Variants in ABCC9 observed in about 807,000 individuals in gnomAD.
The protein encoded by ABCC9 is ATP binding cassette subfamily C member 9.
A neutral mutation model predicts 188.3 loss-of-function variants in ABCC9; 95 were observed. The observed-to-expected ratio is 0.50, with a 90% confidence interval of 0.43 to 0.60. The LOEUF is 0.60. Among genes scored for constraint, ABCC9 ranks in the 20% least tolerant of loss-of-function variants. The pLI, the probability that ABCC9 is intolerant of heterozygous loss-of-function variation, is 0.00. For synonymous variants in ABCC9, 659 were observed against 652.7 expected (o/e 1.01, Z -0.15); for missense variants, 1,102 against 1,876.3 (o/e 0.59, Z 7.62).
At chr12:21,835,064 AAAGACTG>A (rs1188655399) in intron 30 of ABCC9, among the ~76,000 whole-genome samples, 1 of 152,100 alleles carries the variant, frequency 6.6e-6, no homozygotes, top group African/African-American at 2.4e-5. Context: ...TTTTTAGTTG[AAAGACTG>A]AGACCATGAC....
chr12:21,935,164 C>G (rs1388067922), intron 3 of ABCC9, among the ~76,000 whole-genome samples: 3 of 152,132 alleles, frequency 2.0e-5, no homozygotes, highest in Non-Finnish European at 4.4e-5. Flanking sequence ...TGGAATGTCC[C>G]TGTTCTTGCT....
At chr12:21,860,261 A>C (rs1211141688) in intron 21 of ABCC9, among the ~76,000 whole-genome samples, 26 of 152,202 alleles carry the variant, frequency 1.7e-4, no homozygotes, top group Admixed American at 1.7e-3. Flanking sequence ...ATTCTCATAC[A>C]CACTGCGGTA....
intron 5 of ABCC9, chr12:21,923,037 A>G (rs1948895629): frequency 6.6e-6 from 1 of 151,194 alleles, no homozygotes; most frequent in African/African-American, 2.4e-5. Flanking sequence ...TGAGAAACAG[A>G]AAGTCTATCC....
At chr12:21,908,640 C>T (rs145588784) in intron 10 of ABCC9, among the ~76,000 whole-genome samples, 290 of 151,964 alleles carry the variant, frequency 1.9e-3, no homozygotes, top group Non-Finnish European at 3.0e-3. Flanking sequence ...CTTTTCAAGG[C>T]TGAGAGGATG....
At chr12:21,824,125 T>C (rs1449188750) in intron 31 of ABCC9, among the ~76,000 whole-genome samples, 1 of 152,212 alleles carries the variant, frequency 6.6e-6, no homozygotes. Flanking sequence ...AAGCGCTGTA[T>C]TTTTTTAAAA....
At chr12:21,829,271 G>C (rs1482571968) in intron 30 of ABCC9, among the ~76,000 whole-genome samples, 1 of 128,062 alleles carries the variant, frequency 7.8e-6, no homozygotes, top group African/African-American at 2.9e-5. Context: ...GCGCGATCTC[G>C]GCTCACTGCA....
chr12:21,817,081 G>T, intron 33 of ABCC9, 106 bp downstream of exon 33: 1 of 1,267,096 alleles, frequency 7.9e-7, no homozygotes, highest in South Asian at 1.2e-5. Context: ...GAGTTTTCTG[G>T]ATACTGAAGT....
chr12:21,927,236 A>G (rs2138009108), intron 4 of ABCC9, among the ~76,000 whole-genome samples: 1 of 152,346 alleles, frequency 6.6e-6, no homozygotes. Context: ...ATGCCATGGT[A>G]AGAGGCTGGC....
intron 10 of ABCC9, among the ~76,000 whole-genome samples, chr12:21,909,559 C>T (rs2137863218): frequency 6.6e-6 from 1 of 151,890 alleles, no homozygotes; most frequent in East Asian, 1.9e-4. Flanking sequence ...TGTTATTTTA[C>T]ATAGGAAATA....
chr12:21,906,050 CA>C, intron 12 of ABCC9, 75 bp downstream of exon 12: 1 of 1,493,448 alleles, frequency 6.7e-7, no homozygotes, highest in Non-Finnish European at 9.3e-7. Context: ...TCATTGATCA[CA>C]ATCTAAACTG....
intron 12 of ABCC9, among the ~76,000 whole-genome samples, chr12:21,901,916 A>T (rs1479159004): frequency 5.9e-5 from 9 of 152,208 alleles, no homozygotes; most frequent in Non-Finnish European, 1.5e-5. Flanking sequence ...GTTAACAAGG[A>T]TATCCAGGAA....
chr12:21,823,103 G>C (rs1324551009), intron 31 of ABCC9, among the ~76,000 whole-genome samples: 2 of 152,076 alleles, frequency 1.3e-5, no homozygotes, highest in East Asian at 3.9e-4. Context: ...CAATGAAATG[G>C]GAGACTCAAC....
intron 4 of ABCC9, among the ~76,000 whole-genome samples, chr12:21,928,638 C>T (rs1273988279): frequency 6.6e-6 from 1 of 151,916 alleles, no homozygotes. Context: ...AATTAAAAGT[C>T]AATTTAAGAT....
intron 5 of ABCC9, 63 bp downstream of exon 5, chr12:21,925,879 A>G: frequency 6.5e-7 from 1 of 1,542,950 alleles, no homozygotes; most frequent in South Asian, 1.1e-5. Flanking sequence ...AAAGAAAAAT[A>G]ACCCTTTGGG....
At chr12:21,913,217 C>T in intron 7 of ABCC9, 151 bp from the exon 8 acceptor site, 1 of 667,782 alleles carries the variant, frequency 1.5e-6, no homozygotes, top group South Asian at 2.1e-5. Flanking sequence ...TTCAGCATAG[C>T]ATGCATAATT....
chr12:21,927,979 C>G (rs1949108197), intron 4 of ABCC9, among the ~76,000 whole-genome samples: 2 of 151,998 alleles, frequency 1.3e-5, no homozygotes, highest in African/African-American at 4.8e-5. Context: ...CTGCATTTAG[C>G]AAGGCCGAGG....
At chr12:21,862,425 A>T (rs1246037500) in intron 20 of ABCC9, among the ~76,000 whole-genome samples, 1 of 151,804 alleles carries the variant, frequency 6.6e-6, no homozygotes, top group Non-Finnish European at 1.5e-5. Context: ...TATTCTCCTT[A>T]ATTTTCAAGA....
intron 22 of ABCC9, among the ~76,000 whole-genome samples, chr12:21,855,242 T>G (rs1346596117): frequency 6.6e-6 from 1 of 152,170 alleles, no homozygotes; most frequent in Non-Finnish European, 1.5e-5. Flanking sequence ...TATTTTGAGA[T>G]GGAGTCTCAC....
rs552728280 is a variant in ABCC9 at position 21,877,153 on chromosome 12, C to G, written c.2020-1427G>C. 2.0e-5 allele frequency among the ~76,000 whole-genome samples: 3 copies of G among 152,272 alleles called. No homozygotes were observed. The South Asian group carries it at 6.2e-4, about 32-fold the overall frequency. On this transcript the variant is annotated intron_variant, in intron 16 of 39. Transcript: ENST00000261200. ...ACAAAGAAGGCATAATGCATCCTCC[C>G]TGCTCTCTTGAAGCTTGCAATCAGT...
Sources: allele counts gnomAD v4.1 joint callset (sites outside exome capture counted in the v4.1 genomes callset), GRCh38; gene constraint gnomAD v4.1.1; transcripts MANE v1.5; gene names NCBI Gene and HGNC (gene_info 2026-07-23, HGNC 2026-07-21).